Variants in CBFB observed in about 807,000 individuals in gnomAD.
CBFB encodes the protein core-binding factor subunit beta, also known as CBF-beta.
In CBFB, 9 loss-of-function variants were observed where a neutral mutation model predicts 30.4. The observed-to-expected ratio is 0.30, with a 90% CI of 0.18 to 0.52. The LOEUF is 0.52. CBFB is among the 20% of genes least tolerant of loss of function. CBFB has a pLI of 0.97. For missense variants in CBFB, 170 were observed against 244.0 expected, an observed-to-expected ratio of 0.70 and a Z score of 2.02; for synonymous variants, 94 against 84.0, an observed-to-expected ratio of 1.12 and a Z score of -0.65.
chr16:67,096,485 A>G (rs980280228), intron 5 of CBFB, among the ~76,000 whole-genome samples: 1 of 151,816 alleles, frequency 6.6e-6, no homozygotes, highest in Non-Finnish European at 1.5e-5. Context: ...ATATGTATAT[A>G]TATAGTCTCT....
At chr16:67,053,111 C>CCCTTACTTTTCT (rs1253123491) in intron 3 of CBFB, among the ~76,000 whole-genome samples, 6 of 151,714 alleles carry the variant, frequency 4.0e-5, no homozygotes, top group African/African-American at 1.5e-4. Context: ...TGTATTTGTT[C>CCCTTACTTTTCT]CCTTACTTTT....
At chr16:67,037,145 C>T (rs570006389) in intron 3 of CBFB, among the ~76,000 whole-genome samples, 1 of 152,274 alleles carries the variant, frequency 6.6e-6, no homozygotes, top group South Asian at 2.1e-4. Context: ...GATCCGCCCA[C>T]CTCTGCCTCC....
chr16:67,066,393 C>CAAAAAAAAAAAAAAAAAAAAAAAAAAAAA (rs56360240), intron 3 of CBFB, among the ~76,000 whole-genome samples: 3 of 96,036 alleles, frequency 3.1e-5, no homozygotes, highest in South Asian at 3.7e-4. Context: ...ACTAAAAATA[C>CAAAAAAAAAAAAAAAAAAAAAAAAAAAAA]AAAAAAAAAA....
At chr16:67,090,108 C>T (rs982412938) in intron 5 of CBFB, among the ~76,000 whole-genome samples, 3 of 152,094 alleles carry the variant, frequency 2.0e-5, no homozygotes, top group African/African-American at 7.2e-5. Flanking sequence ...TTTCTTGGCT[C>T]TGTTGGAGGC....
chr16:67,081,676 C>T (rs1247402226), intron 4 of CBFB, among the ~76,000 whole-genome samples: 1 of 151,814 alleles, frequency 6.6e-6, no homozygotes, highest in Non-Finnish European at 1.5e-5. Context: ...TGCAGTGGTG[C>T]GTGCCTGTAG....
Position 67,080,280 on chromosome 16 carries a change from A to G in CBFB, c.400-1933A>G, listed in dbSNP as rs1303418959. Among the ~76,000 whole-genome samples, 4 of 150,182 alleles carry G rather than the reference A, an allele frequency of 2.7e-5. No individual in the cohort carries two copies. The East Asian group carries it at 5.8e-4, about 22-fold the overall frequency. On this transcript the variant is annotated intron_variant, in intron 4 of 5. Coordinates refer to ENST00000412916, the MANE Select transcript of CBFB (RefSeq NM_022845.3). The stretch of plus-strand genomic sequence containing the variant: ...GGAGTGACCAAATGGAAGCAAGGAG[A>G]GACTGTTGAGGAGACTTTTGCAATG...
rs557593884 is a variant in CBFB, at chr16:67,029,188, AGGCGGCGGC to A, written c.-203_-195del. 1.1e-3 allele frequency: 219 copies of A among 192,850 alleles called. No homozygotes were observed. The highest frequency in any genetic ancestry group is 1.9e-3 in the Middle Eastern group (1 of 524). 11.9% of individuals were successfully genotyped at this position (192,850 alleles called of 1,614,324 possible). On this transcript the variant is annotated 5_prime_UTR_variant, in exon 1 of 6. Coordinates refer to ENST00000412916, the MANE Select transcript of CBFB (RefSeq NM_022845.3). ...CTGCGCGGGCGGCAGGCAACGGCTG[AGGCGGCGGC>A]GGCGGCGGCGGCGGCGTGGGTTGGG...
chr16:67,059,529 T>C (rs1177181657), intron 3 of CBFB, among the ~76,000 whole-genome samples: 3 of 152,226 alleles, frequency 2.0e-5, no homozygotes, highest in Non-Finnish European at 4.4e-5. Context: ...GCGACGTTTC[T>C]GGCCTTCTTG....
At chr16:67,035,582 G>GA (rs1966429579) in intron 2 of CBFB, among the ~76,000 whole-genome samples, 1 of 152,194 alleles carries the variant, frequency 6.6e-6, no homozygotes, top group Non-Finnish European at 1.5e-5. Context: ...TACCTCTAAA[G>GA]AATCTAAGCT....
chr16:67,059,417 T>A (rs899699274), intron 3 of CBFB, among the ~76,000 whole-genome samples: 3 of 152,226 alleles, frequency 2.0e-5, no homozygotes, highest in Non-Finnish European at 4.4e-5. Context: ...TCTATCATAA[T>A]TGAATCCGTT....
chr16:67,083,485 A>G (rs1961629179), intron 5 of CBFB, among the ~76,000 whole-genome samples: 1 of 151,950 alleles, frequency 6.6e-6, no homozygotes, highest in Non-Finnish European at 1.5e-5. Flanking sequence ...TAGTATAGGC[A>G]GGGTTTCACC....
At chr16:67,072,031 C>T (rs575283245) in intron 4 of CBFB, among the ~76,000 whole-genome samples, 13 of 152,058 alleles carry the variant, frequency 8.5e-5, no homozygotes, top group South Asian at 8.3e-4. Context: ...TCTGAATTAA[C>T]CAAAAAACAG....
chr16:67,066,541 C>T (rs1390113765), intron 3 of CBFB, 141 bp from the exon 4 acceptor site: 2 of 483,050 alleles, frequency 4.1e-6, no homozygotes, highest in Non-Finnish European at 7.6e-6. Context: ...GCCTGGGGAG[C>T]ACAGCGAAAC....
chr16:67,084,189 A>G (rs1329563440), intron 5 of CBFB, among the ~76,000 whole-genome samples: 1 of 148,246 alleles, frequency 6.7e-6, no homozygotes, highest in East Asian at 1.9e-4. Context: ...AAAAAAAAAA[A>G]GTATATTCTA....
chr16:67,035,360 G>A (rs1240369241), intron 2 of CBFB, among the ~76,000 whole-genome samples: 2 of 152,110 alleles, frequency 1.3e-5, no homozygotes, highest in African/African-American at 2.4e-5. Flanking sequence ...CTGGGATTAC[G>A]AGTGTGAACC....
chr16:67,031,789 A>C (rs913825552), intron 2 of CBFB, among the ~76,000 whole-genome samples: 1 of 150,664 alleles, frequency 6.6e-6, no homozygotes, highest in East Asian at 1.9e-4. Flanking sequence ...CTGGGATTAC[A>C]GGTGTGAGCC....
intron 4 of CBFB, among the ~76,000 whole-genome samples, chr16:67,072,513 C>G (rs1262729657): frequency 6.6e-6 from 1 of 151,588 alleles, no homozygotes; most frequent in Non-Finnish European, 1.5e-5. Context: ...CTCACCCCGG[C>G]TGGAGTGCAA....
In CBFB at chr16:67,052,997, A is replaced by G. The variant is rs190690254; in HGVS notation, c.283-13685A>G. Among the ~76,000 whole-genome samples the G allele has an allele frequency of 2.4e-4, 36 of 150,318 alleles. No individual in the cohort carries two copies. The East Asian group carries it at 6.0e-3, about 25-fold the overall frequency. ...TGAGCCGTGTTCATACCACAGAGCA[A>G]GATGCTATCTCAAAAAAAAAAAAAA... On this transcript the variant is annotated intron_variant, in intron 3 of 5. Transcript: ENST00000412916.
chr16:67,041,546 G>A (rs1382407886), intron 3 of CBFB, among the ~76,000 whole-genome samples: 1 of 152,080 alleles, frequency 6.6e-6, no homozygotes, highest in Non-Finnish European at 1.5e-5. Flanking sequence ...AGGTTGCAGT[G>A]AGCTGAGATC....
Sources: gnomAD v4.1 joint callset for allele counts (sites outside exome capture counted in the v4.1 genomes callset) on GRCh38, gnomAD v4.1.1 for gene constraint, MANE v1.5 for transcripts, NCBI Gene and HGNC (gene_info 2026-07-23, HGNC 2026-07-21) for gene names.